The following CFAP46 variants were observed in gnomAD, a reference collection of about 807,000 sequenced individuals.
CFAP46 encodes cilia- and flagella-associated protein 46.
A neutral mutation model predicts 325.7 loss-of-function variants in CFAP46; 245 were observed. That is an observed-to-expected ratio of 0.75 (90% confidence interval 0.68 to 0.84). The LOEUF (loss-of-function observed/expected upper bound fraction) is 0.84, where lower values mean the gene tolerates loss of function less well. Among genes scored for constraint, CFAP46 ranks in the 40% least tolerant of loss-of-function variants. The probability of loss-of-function intolerance (pLI) is 0.00; values close to 1 mark genes in which losing one functional copy is unlikely to be tolerated. For missense variants in CFAP46, 3,346 were observed against 3,543.0 expected (o/e 0.94, Z 1.41); for synonymous variants, 1,523 against 1,495.9 (o/e 1.02, Z -0.42).
At chr10:132,866,239 G>T in intron 34 of CFAP46, 68 bp from the exon 35 acceptor site, 4 of 1,406,578 alleles carry the variant, frequency 2.8e-6, no homozygotes, top group Non-Finnish European at 3.7e-6. Flanking sequence ...CACGGGACAG[G>T]CTCTGGCTCA....
chr10:132,890,175 C>T (rs779617390), intron 25 of CFAP46, among the ~76,000 whole-genome samples: 29 of 152,106 alleles, frequency 1.9e-4, no homozygotes, highest in African/African-American at 6.5e-4. Flanking sequence ...CTCCTCTGCC[C>T]GGGTCACATT....
chr10:132,836,860 G>C lies in CFAP46; in HGVS notation c.6493C>G (p.Pro2165Ala), dbSNP rs560086678. 1.2e-6 allele frequency: 2 copies of C among 1,613,932 alleles called. No individual in the cohort carries two copies. The highest frequency in any genetic ancestry group is 3.3e-5 in the Admixed American group (2 of 60,028). The change falls in exon 45 of 58, where the codon CCT becomes GCT. Residue 2165 changes from proline to alanine, a missense_variant. Coordinates refer to ENST00000368586, the MANE Select transcript of CFAP46 (RefSeq NM_001200049.3). ...AGAAAGAGGATCCAAAAGGTCGGAG[G>C]CATCTCATTCAAGAGGTTAAAATGC... ...EQHFNLLNEM[P>A]PTFWILFLHL...
intron 24 of CFAP46, among the ~76,000 whole-genome samples, chr10:132,894,865 A>G (rs1849300006): frequency 1.3e-5 from 2 of 152,156 alleles, no homozygotes; most frequent in South Asian, 4.1e-4. Context: ...TTCATCAGTG[A>G]CTCCCATCAA....
At chr10:132,819,822 GGGTCTT>G (rs1253576553) in intron 50 of CFAP46, among the ~76,000 whole-genome samples, 1 of 152,178 alleles carries the variant, frequency 6.6e-6, no homozygotes. Flanking sequence ...CTCCTTGACT[GGGTCTT>G]GGCAATGATT....
At chr10:132,909,375 C>T in intron 20 of CFAP46, 131 bp from the exon 21 acceptor site, 1 of 670,840 alleles carries the variant, frequency 1.5e-6, no homozygotes, top group Non-Finnish European at 2.6e-6. Context: ...GCGTTTATAC[C>T]TTAGGCTGTT....
At chr10:132,914,815 C>G (rs569835578) in intron 17 of CFAP46, among the ~76,000 whole-genome samples, 5 of 151,616 alleles carry the variant, frequency 3.3e-5, no homozygotes, top group African/African-American at 1.2e-4. Context: ...CCACACTGCA[C>G]CCCGGCCCGA....
Position 132,886,647 on chromosome 10 carries a change from A to G in CFAP46, c.3305-688T>C, listed in dbSNP as rs1849136233. ...GAAGGGCCCTGAAGAGACGGGGTGA[A>G]CACAGGGCCGCATCCCTCACACATC... On this transcript the variant is annotated intron_variant, in intron 25 of 57. Transcript: ENST00000368586. The surrounding 1 kb of genome is among the most constrained non-coding windows in gnomAD (Gnocchi z 5.8). 6.6e-6 allele frequency among the ~76,000 whole-genome samples: 1 copy of G among 152,118 alleles called. No individual in the cohort carries two copies.
intron 39 of CFAP46, among the ~76,000 whole-genome samples, chr10:132,853,960 T>G (rs1220786282): frequency 2.6e-5 from 4 of 152,204 alleles, no homozygotes. Context: ...AGAACTAGCT[T>G]TGGTTTCATT....
chr10:132,861,232 C>A (rs1467950378), intron 35 of CFAP46, among the ~76,000 whole-genome samples: 2 of 152,228 alleles, frequency 1.3e-5, no homozygotes, highest in South Asian at 4.1e-4. Flanking sequence ...AGTGGGACGC[C>A]CGCCTCCCTG....
At chr10:132,811,985 A>T (rs906334524) in intron 55 of CFAP46, among the ~76,000 whole-genome samples, 1 of 152,248 alleles carries the variant, frequency 6.6e-6, no homozygotes, top group Non-Finnish European at 1.5e-5. Context: ...CAGTGGGGCC[A>T]TCAGCAGCCC....
At chr10:132,910,172 G>T in intron 19 of CFAP46, 104 bp from the exon 20 acceptor site, 1 of 1,155,880 alleles carries the variant, frequency 8.7e-7, no homozygotes, top group Non-Finnish European at 1.1e-6. Context: ...TCCTGATCCA[G>T]CCCGTGAAGG....
chr10:132,919,276 T>C lies in CFAP46; in HGVS notation c.1858+39A>G, dbSNP rs756063555. ...CCTTCCCACACCCAGAGGGCGGCCG[T>C]GGCCAGGCTGGGACACACTCGTGAG... On this transcript the variant is annotated intron_variant, in intron 15 of 57. Transcript: ENST00000368586. This position sits in a 1 kb window ranked among gnomAD's most constrained non-coding sequence, Gnocchi z 9.7. The C allele has an allele frequency of 1.4e-5, 21 of 1,528,172 alleles. No homozygotes were observed. 94.7% of individuals were successfully genotyped at this position (1,528,172 alleles called of 1,614,324 possible). A position where few individuals can be genotyped will look rare whatever the true frequency, so the allele number is the denominator to read the frequency against.
In CFAP46 at chr10:132,939,531, G is replaced by GC. The variant is rs1850065393; in HGVS notation, c.372-779dup. ...CCTGGGCCGGCCACCAGGTGGACCA[G>GC]CACTGCTCAATGCCCAGGTGGGAGG... On this transcript the variant is annotated intron_variant, in intron 4 of 57. Transcript: ENST00000368586. This position sits in a 1 kb window ranked among gnomAD's most constrained non-coding sequence, Gnocchi z 4.6. Among the ~76,000 whole-genome samples the GC allele has an allele frequency of 6.6e-6, 1 of 152,206 alleles. No individual in the cohort carries two copies. The highest frequency in any genetic ancestry group is 6.5e-5 in the Admixed American group (1 of 15,290).
chr10:132,896,688 T>C (rs936272070), intron 24 of CFAP46, among the ~76,000 whole-genome samples: 3 of 152,176 alleles, frequency 2.0e-5, no homozygotes, highest in Non-Finnish European at 4.4e-5. Flanking sequence ...GCAATCCCTA[T>C]GGGTTACAAT....
rs1471937219 is a variant in CFAP46 at position 132,885,950 on chromosome 10, T to C, written c.3314A>G (p.Asp1105Gly). ...GAGCGCAGCACGGAGCGCCAGGTCG[T>C]CCTCAGCCCCTGGGAGGGAGAAGGA... is the stretch of plus-strand genomic sequence containing the variant. The part of the protein sequence containing the change: ...TEGYFLPGAE[D>G]DLALRAALYG... The change falls in exon 26 of 58, where the codon GAC (aspartate) becomes GGC (glycine). Residue 1105 changes from aspartate to glycine, a missense_variant. Coordinates refer to ENST00000368586, the MANE Select transcript of CFAP46 (RefSeq NM_001200049.3). 1 of 1,549,724 alleles carries C rather than the reference T, an allele frequency of 6.5e-7. No individual in the cohort carries two copies. Among genetic ancestry groups the C allele is most frequent in the South Asian group, 1.2e-5 (1 of 84,038 alleles).
At chr10:132,911,780 C>A in intron 19 of CFAP46, among the ~76,000 whole-genome samples, 1 of 152,186 alleles carries the variant, frequency 6.6e-6, no homozygotes. Flanking sequence ...ACTGGGACGG[C>A]TGCATGTGTG....
Position 132,879,561 on chromosome 10 carries a change from C to G in CFAP46, c.3870G>C (p.Glu1290Asp). Residue 1290 changes from glutamate to aspartate, a missense_variant, in exon 29 of 58, where the codon GAG (glutamate) becomes GAC (aspartate). Transcript: ENST00000368586. The part of the protein sequence containing the change: ...VSEAEEAVSL[E>D]QLRSVRQLEA... ...CCAGCTGCCGCACGCTACGCAGCTG[C>G]TCCAAGGACACCGCCTCCTCGGCCT... The G allele has an allele frequency of 6.5e-7, 1 of 1,547,506 alleles. No homozygotes were observed.
rs1848114104 is a variant in CFAP46 at position 132,829,476 on chromosome 10, C to G, written c.7117+3882G>C. On this transcript the variant is annotated intron_variant, in intron 50 of 57. Coordinates refer to ENST00000368586, the MANE Select transcript of CFAP46 (RefSeq NM_001200049.3). Reference sequence around the variant, plus strand: ...TGTAGATTAGACTACATTTTCTACACAGATGATGAGACCACCTGCAGAGAA... The same window carrying G: ...TGTAGATTAGACTACATTTTCTACAGAGATGATGAGACCACCTGCAGAGAA... Among the ~76,000 whole-genome samples, 4 of 152,238 alleles carry G rather than the reference C, an allele frequency of 2.6e-5. No homozygotes were observed. In the South Asian group the frequency reaches 8.3e-4, roughly 32 times the overall value.
rs1850032767 is a variant in CFAP46 at position 132,937,821 on chromosome 10, T to C, written c.537-146A>G. ...TCAGCTTCTTCAGCCAGAACCAGGCTGTGTGGCTCACCAGGAAGGGCCAGC... is the reference window on the plus strand; with the variant it reads ...TCAGCTTCTTCAGCCAGAACCAGGCCGTGTGGCTCACCAGGAAGGGCCAGC... On this transcript the variant is annotated intron_variant, in intron 5 of 57. Coordinates refer to ENST00000368586, the MANE Select transcript of CFAP46 (RefSeq NM_001200049.3). 4.4e-6 allele frequency: 5 copies of C among 1,126,820 alleles called. No individual in the cohort carries two copies. The Admixed American group carries it at 1.3e-4, about 29-fold the overall frequency. The allele number at this position is 1,126,820 out of a possible 1,614,324, so 69.8% of individuals were successfully genotyped here.
Sources: allele counts gnomAD v4.1 joint callset (sites outside exome capture counted in the v4.1 genomes callset), GRCh38; gene constraint gnomAD v4.1.1; non-coding constraint Gnocchi (gnomAD v3.1); transcripts MANE v1.5; gene names NCBI Gene and HGNC (gene_info 2026-07-23, HGNC 2026-07-21).